THBS4: variants seen among roughly 807,000 people sequenced by gnomAD.
THBS4 encodes thrombospondin 4.
A neutral mutation model predicts 115.7 loss-of-function variants in THBS4; 90 were observed. That is an observed-to-expected ratio of 0.78 (90% CI 0.66 to 0.93). THBS4 has a LOEUF of 0.93. Ranked by LOEUF, THBS4 falls within the 40% of genes least tolerant of loss-of-function variation. The probability of loss-of-function intolerance (pLI) is 0.00; values close to 1 mark genes in which losing one functional copy is unlikely to be tolerated. For synonymous variants in THBS4, 460 were observed against 479.3 expected (o/e 0.96, Z 0.53); for missense variants, 1,087 against 1,232.7 (o/e 0.88, Z 1.77).
At chr5:80,051,425 T>C (rs17879984) in intron 2 of THBS4, among the ~76,000 whole-genome samples, 5,313 of 152,210 alleles carry the variant, frequency 0.035, 125 homozygotes, top group Non-Finnish European at 0.05. Context: ...TTGGATCAAG[T>C]GTGAAGAATG....
At chr5:80,010,281 C>T (rs1259273016) in intron 2 of THBS4, among the ~76,000 whole-genome samples, 2 of 152,158 alleles carry the variant, frequency 1.3e-5, no homozygotes, top group Non-Finnish European at 2.9e-5. Context: ...AAGTTATATG[C>T]TAAGCTGCTC....
Position 80,070,660 on chromosome 5 carries a change from GC to G in THBS4, c.1472del (p.Pro491GlnfsTer27). The G allele has an allele frequency of 6.2e-7, 1 of 1,614,138 alleles. No homozygotes were observed. The highest frequency in any genetic ancestry group is 1.1e-5 in the South Asian group (1 of 91,076). On this transcript the variant is annotated frameshift_variant, in exon 12 of 22. Transcript: ENST00000350881. LOFTEE classifies it high-confidence loss of function. ...CCCCTAAGGACAACTGCAAATATGTGCCAAATTCTGGCCAAGAAGATGCAGA... is the reference window on the plus strand; with the variant it reads ...CCCCTAAGGACAACTGCAAATATGTGCAAATTCTGGCCAAGAAGATGCAGA... ...NCKKDNCKYV[P>X]NSGQEDADRD... is the part of the protein sequence containing the mutation.
chr5:80,078,013 G>A (rs772885670), intron 16 of THBS4, 36 bp from the exon 17 acceptor site: 18 of 1,508,736 alleles, frequency 1.2e-5, no homozygotes, highest in African/African-American at 6.9e-5. Flanking sequence ...GGGTGTGAGC[G>A]CTATTGAGCT....
intron 2 of THBS4, among the ~76,000 whole-genome samples, chr5:80,024,938 T>C (rs1296204392): frequency 6.6e-6 from 1 of 152,176 alleles, no homozygotes; most frequent in Non-Finnish European, 1.5e-5. Flanking sequence ...GAGTCCACTT[T>C]CTGGCATTTC....
chr5:80,078,867 A>G, intron 17 of THBS4, 54 bp from the exon 18 acceptor site: 1 of 1,574,144 alleles, frequency 6.4e-7, no homozygotes, highest in Non-Finnish European at 8.7e-7. Flanking sequence ...GAGCTTCCTT[A>G]AGGTTACTTG....
chr5:80,021,910 C>T (rs1832385501), intron 2 of THBS4, among the ~76,000 whole-genome samples: 1 of 152,110 alleles, frequency 6.6e-6, no homozygotes, highest in Non-Finnish European at 1.5e-5. Context: ...CAGAAAATCA[C>T]ATGAATTCCC....
At chr5:80,050,015 A>C (rs1048215033) in intron 2 of THBS4, among the ~76,000 whole-genome samples, 1 of 152,202 alleles carries the variant, frequency 6.6e-6, no homozygotes, top group Non-Finnish European at 1.5e-5. Flanking sequence ...GTTCCAATCC[A>C]ATCTGCACTG....
intron 2 of THBS4, among the ~76,000 whole-genome samples, chr5:80,003,791 C>T (rs1831958959): frequency 1.3e-5 from 2 of 152,210 alleles, no homozygotes; most frequent in South Asian, 4.1e-4. Context: ...AATTTACATG[C>T]AAGTTGTCTG....
At chr5:80,050,247 G>A (rs1833212214) in intron 2 of THBS4, among the ~76,000 whole-genome samples, 1 of 152,214 alleles carries the variant, frequency 6.6e-6, no homozygotes, top group African/African-American at 2.4e-5. Flanking sequence ...TTCACGTAGA[G>A]CTGGCTGTGT....
chr5:80,018,609 G>A (rs1274962016), intron 2 of THBS4, among the ~76,000 whole-genome samples: 2 of 151,878 alleles, frequency 1.3e-5, no homozygotes, highest in Non-Finnish European at 2.9e-5. Context: ...TGGCCAGGCT[G>A]TTCTCAAACT....
chr5:80,015,005 T>C (rs1315258342), intron 2 of THBS4, among the ~76,000 whole-genome samples: 2 of 152,264 alleles, frequency 1.3e-5, no homozygotes, highest in Admixed American at 6.5e-5. Flanking sequence ...TTGCTAACAC[T>C]CCTTGCCAGT....
At chr5:80,021,509 TC>T (rs1308313395) in intron 2 of THBS4, among the ~76,000 whole-genome samples, 1 of 151,840 alleles carries the variant, frequency 6.6e-6, no homozygotes, top group East Asian at 1.9e-4. Context: ...AGAGCACTGT[TC>T]ATAGTACTTT....
intron 2 of THBS4, 64 bp from the exon 3 acceptor site, chr5:80,055,721 G>T (rs412379): frequency 6.4e-7 from 1 of 1,562,906 alleles, no homozygotes; most frequent in Non-Finnish European, 8.7e-7. Flanking sequence ...CACACCATTT[G>T]TTGACCCTCC....
rs78900687 is a variant in THBS4, at chr5:80,077,132, C to T, written c.2086+84C>T. On this transcript the variant is annotated intron_variant, in intron 16 of 21. Transcript: ENST00000350881. The stretch of plus-strand genomic sequence containing the variant: ...TGGGGGCACGCCTCTCTCCAGGCAC[C>T]AACTCAGAATATCCCCAGCTCCCAT... 1.0e-3 allele frequency: 1,348 copies of T among 1,302,600 alleles called. 12 individuals carry two copies. In the African/African-American group the frequency reaches 0.018, roughly 18 times the overall value. 80.7% of individuals were successfully genotyped at this position (1,302,600 alleles called of 1,614,324 possible).
chr5:80,068,096 G>A lies in THBS4; in HGVS notation c.1318G>A (p.Glu440Lys). 6.2e-7 allele frequency: 1 copy of A among 1,614,176 alleles called. No individual in the cohort carries two copies. The highest frequency in any genetic ancestry group is 8.5e-7 in the Non-Finnish European group (1 of 1,180,032). ...NPCSVNAQCI[E>K]ERQGDVTCVC... Reference sequence around the variant, plus strand: ...TTGCAGTGTGAATGCCCAGTGCATTGAAGAGAGGCAGGGGGATGTGACATG... The same window carrying A: ...TTGCAGTGTGAATGCCCAGTGCATTAAAGAGAGGCAGGGGGATGTGACATG... The change falls in exon 10 of 22, where the codon GAA becomes AAA. Residue 440 changes from glutamate (E) to lysine (K), a missense_variant. Glu to Lys is a moderately conservative substitution (Grantham distance 56, BLOSUM62 1). Coordinates refer to ENST00000350881, the MANE Select transcript of THBS4 (RefSeq NM_003248.6).
At chr5:80,006,195 T>A (rs1433407138) in intron 2 of THBS4, among the ~76,000 whole-genome samples, 1 of 152,210 alleles carries the variant, frequency 6.6e-6, no homozygotes, top group Non-Finnish European at 1.5e-5. Flanking sequence ...TCCAGGTTGG[T>A]CAGCTTCCCT....
chr5:80,018,336 T>C (rs1471128146), intron 2 of THBS4, among the ~76,000 whole-genome samples: 4 of 151,848 alleles, frequency 2.6e-5, no homozygotes, highest in Non-Finnish European at 4.4e-5. Flanking sequence ...AATTCATACA[T>C]TGATTTTAAT....
At position 80,079,259 on chromosome 5, in the gene THBS4, G is replaced by A; in HGVS notation, c.2511+1G>A. On this transcript the variant is annotated splice_donor_variant, in intron 19 of 21. Transcript: ENST00000350881. LOFTEE classifies it high-confidence loss of function. The stretch of plus-strand genomic sequence containing the variant: ...TGCAGAACCTGGCATTCAGCTCAAG[G>A]TATTGGTGGTTTGAAGTCATTCATC... The A allele has an allele frequency of 6.3e-7, 1 of 1,597,900 alleles. No homozygotes were observed. The highest frequency in any genetic ancestry group is 1.1e-5 in the South Asian group (1 of 88,726).
At chr5:80,017,082 G>A (rs1832266377) in intron 2 of THBS4, among the ~76,000 whole-genome samples, 1 of 152,166 alleles carries the variant, frequency 6.6e-6, no homozygotes, top group Admixed American at 6.5e-5. Context: ...TGACAAAGAT[G>A]GGAGGAGGAA....
Sources: gnomAD v4.1 joint callset for allele counts (sites outside exome capture counted in the v4.1 genomes callset) on GRCh38, gnomAD v4.1.1 for gene constraint, MANE v1.5 for transcripts, NCBI Gene and HGNC (gene_info 2026-07-23, HGNC 2026-07-21) for gene names.